CCDC14: variants seen among roughly 807,000 people sequenced by gnomAD.
CCDC14 encodes coiled-coil domain containing 14, also known as coiled-coil domain-containing protein 14.
Under a neutral mutation model 81.4 loss-of-function variants are expected in CCDC14, and 71 were observed. That is an observed-to-expected ratio of 0.87 (90% CI 0.72 to 1.06). The LOEUF (loss-of-function observed/expected upper bound fraction) is 1.06. Ranked by LOEUF, CCDC14 falls within the 50% of genes least tolerant of loss-of-function variation. CCDC14 has a pLI of 0.00. For missense variants in CCDC14, 1,046 were observed against 1,047.3 expected (o/e 1.00, Z 0.02); for synonymous variants, 332 against 364.8 (o/e 0.91, Z 1.03).
In CCDC14 at chr3:123,913,884, T is replaced by C. The variant is rs2034517068; in HGVS notation, c.*895A>G. ...AGGGAGATGATACTGAGCTAAGAAG[T>C]CCTGGTATAGAGAAGCAGAGAGACC... On this transcript the variant is annotated 3_prime_UTR_variant, in exon 13 of 13. Transcript: ENST00000409697. The C allele has an allele frequency of 1.0e-6, 1 of 985,186 alleles. No homozygotes were observed. Among genetic ancestry groups the C allele is most frequent in the African/African-American group, 1.7e-5 (1 of 57,154 alleles). The allele number at this position is 985,186 out of a possible 1,614,324, so 61.0% of individuals were successfully genotyped here.
At position 123,947,008 on chromosome 3, in the gene CCDC14, T is replaced by G; in HGVS notation, c.996A>C (p.Pro332=). 1.2e-6 allele frequency: 2 copies of G among 1,614,044 alleles called. No individual in the cohort carries two copies. Among genetic ancestry groups the G allele is most frequent in the Non-Finnish European group, 8.5e-7 (1 of 1,179,882 alleles). The change falls in exon 8 of 13, where the codon CCA becomes CCC. Residue 332 remains proline, a synonymous_variant. Transcript: ENST00000409697. ...TTTCTTCATTAGTGGCCAAGAAAGCTGGTTGTGACTGAGTAGGGCTTCGGT... is the reference window on the plus strand; with the variant it reads ...TTTCTTCATTAGTGGCCAAGAAAGCGGGTTGTGACTGAGTAGGGCTTCGGT... ...QTHRSPTQSQ[P]AFLATNEEKC...
At position 123,913,869 on chromosome 3, in the gene CCDC14, T is replaced by C. The variant is rs1577214582; in HGVS notation, c.*910A>G. The C allele has an allele frequency of 3.0e-6, 3 of 985,198 alleles. No individual in the cohort carries two copies. The highest frequency in any genetic ancestry group is 4.7e-5 in the South Asian group (1 of 21,282). The allele number at this position is 985,198 out of a possible 1,614,324, so 61.0% of individuals were successfully genotyped here. A position where few individuals can be genotyped will look rare whatever the true frequency, so the allele number is the denominator to read the frequency against. On this transcript the variant is annotated 3_prime_UTR_variant, in exon 13 of 13. Coordinates refer to ENST00000409697, the MANE Select transcript of CCDC14 (RefSeq NM_001366335.1). ...GTGCTGCTTACATGAAGGGAGATGA[T>C]ACTGAGCTAAGAAGTCCTGGTATAG...
the CCDC14 span, among the ~76,000 whole-genome samples, chr3:123,889,914 C>T: frequency 1.3e-5 from 2 of 152,152 alleles, no homozygotes; most frequent in Non-Finnish European, 2.9e-5. Context: ...TGAATTAGTC[C>T]ATTTTCAAGC....
the CCDC14 span, among the ~76,000 whole-genome samples, chr3:123,892,298 T>G: frequency 6.6e-6 from 1 of 152,204 alleles, no homozygotes; most frequent in East Asian, 1.9e-4. Flanking sequence ...CTGAAGCAAT[T>G]GTCTGAGCTG....
intron 12 of CCDC14, among the ~76,000 whole-genome samples, chr3:123,925,608 G>T (rs561067512): frequency 6.6e-6 from 1 of 152,122 alleles, no homozygotes; most frequent in Non-Finnish European, 1.5e-5. Context: ...GGTAATTTTT[G>T]TATTTTTAGT....
At chr3:123,938,206 T>C (rs943901859) in intron 9 of CCDC14, among the ~76,000 whole-genome samples, 1 of 151,900 alleles carries the variant, frequency 6.6e-6, no homozygotes, top group Admixed American at 6.6e-5. Context: ...TTACATAAAA[T>C]CTATACATCA....
intron 9 of CCDC14, among the ~76,000 whole-genome samples, chr3:123,943,951 C>A (rs995508737): frequency 1.3e-5 from 2 of 152,124 alleles, no homozygotes; most frequent in Admixed American, 1.3e-4. Context: ...ATTAACTGAG[C>A]CCAAAGAAGG....
Position 123,903,774 on chromosome 3 carries a change from A to G in CCDC14, c.668-6161T>C, listed in dbSNP as rs559592102. On this transcript the variant is annotated intron_variant, in intron 5 of 5. Coordinates refer to the CCDC14 transcript ENST00000479903. ...TTAATCTTTCCAGATGCGCTAGTGT[A>G]GATCTGACAGACAAAATGTAGGTCC... is the stretch of plus-strand genomic sequence containing the variant. 1.5e-4 allele frequency among the ~76,000 whole-genome samples: 23 copies of G among 152,250 alleles called. No homozygotes were observed. In the South Asian group the frequency reaches 4.0e-3, roughly 26 times the overall value.
chr3:123,902,058 A>G (rs1447851173), intron 5 of CCDC14, among the ~76,000 whole-genome samples: 1 of 152,224 alleles, frequency 6.6e-6, no homozygotes, highest in African/African-American at 2.4e-5. Flanking sequence ...AAAGAAAATC[A>G]TAACTGCAAT....
At chr3:123,957,461 G>A (rs976768613) in intron 1 of CCDC14, 10 of 151,978 alleles carry the variant, frequency 6.6e-5, no homozygotes, top group Non-Finnish European at 1.5e-4. Flanking sequence ...ACATTCTTTA[G>A]AATGCCTGAT....
rs774375701 is a variant in CCDC14, at chr3:123,931,493, T to C, written c.1460A>G (p.Gln487Arg). The C allele has an allele frequency of 7.6e-6, 12 of 1,570,314 alleles. No homozygotes were observed. In the South Asian group the frequency reaches 1.3e-4, roughly 17 times the overall value. ...FSLQSLNMSL[Q>R]NQLEESLKSQ... ...CTTTAGTGACTCCTCCAATTGATTT[T>C]GCAGTGACATATTCAATGACTGAAG... The change falls in exon 11 of 13, where the codon CAA becomes CGA. Residue 487 changes from glutamine to arginine, a missense_variant. By Grantham distance (43) the Gln-to-Arg change is conservative. Coordinates refer to ENST00000409697, the MANE Select transcript of CCDC14 (RefSeq NM_001366335.1).
chr3:123,946,803 C>A lies in CCDC14; in HGVS notation c.1201G>T (p.Glu401Ter). The change falls in exon 8 of 13, where the codon GAG (glutamate) becomes TAG (stop). Residue 401 changes from glutamate (E) to a stop codon, truncating the protein, a stop_gained and splice_region_variant. Coordinates refer to ENST00000409697, the MANE Select transcript of CCDC14 (RefSeq NM_001366335.1). LOFTEE classifies it high-confidence loss of function. Reference sequence around the variant, plus strand: ...ACAGAAAGTTATAAGTCCCATCTACCTTGTTCTGCTACCAGGGCCTTGAGC... The same window carrying A: ...ACAGAAAGTTATAAGTCCCATCTACATTGTTCTGCTACCAGGGCCTTGAGC... ...GELKALVAEQEDSEIQRLITE... is the reference protein window; with the variant it reads ...GELKALVAEQ 6.2e-7 allele frequency: 1 copy of A among 1,612,104 alleles called. No homozygotes were observed. The highest frequency in any genetic ancestry group is 1.1e-5 in the South Asian group (1 of 90,732).
intron 5 of CCDC14, among the ~76,000 whole-genome samples, chr3:123,904,064 T>C (rs1431661512): frequency 3.3e-5 from 5 of 152,190 alleles, no homozygotes; most frequent in Non-Finnish European, 7.3e-5. Context: ...TTTTCTGTTA[T>C]GTATAACTGA....
chr3:123,931,308 C>A lies in CCDC14; in HGVS notation c.1645G>T (p.Glu549Ter). 1 of 1,543,990 alleles carries A rather than the reference C, an allele frequency of 6.5e-7. No individual in the cohort carries two copies. The highest frequency in any genetic ancestry group is 8.8e-7 in the Non-Finnish European group (1 of 1,137,794). Residue 549 changes from glutamate (E) to a stop codon, truncating the protein, a stop_gained and splice_region_variant, in exon 11 of 13, where the codon GAA becomes TAA. Coordinates refer to ENST00000409697, the MANE Select transcript of CCDC14 (RefSeq NM_001366335.1). LOFTEE classifies it high-confidence loss of function. ...YDIEITRIKI[E>*]LEEALVNVKS... ...CCATAACTACTGTCTAAATACGTACCAATTTTTATTCTTGTTATCTCAATA... is the reference window on the plus strand; with the variant it reads ...CCATAACTACTGTCTAAATACGTACAAATTTTTATTCTTGTTATCTCAATA...
At chr3:123,952,013 A>C (rs765683975) in intron 5 of CCDC14, among the ~76,000 whole-genome samples, 36 of 152,254 alleles carry the variant, frequency 2.4e-4, no homozygotes, top group Admixed American at 1.3e-4. Context: ...AAAATAAAAC[A>C]AACCAATGAT....
chr3:123,949,902 T>C (rs1295919261), intron 5 of CCDC14, among the ~76,000 whole-genome samples: 1 of 152,220 alleles, frequency 6.6e-6, no homozygotes, highest in East Asian at 1.9e-4. Flanking sequence ...CACTGCCTTA[T>C]ATTGCTTATC....
At chr3:123,934,270 C>CAAAAAAA (rs61094944) in intron 9 of CCDC14, among the ~76,000 whole-genome samples, 7 of 52,286 alleles carry the variant, frequency 1.3e-4, no homozygotes, top group East Asian at 7.3e-4. Context: ...GACTCTGCCT[C>CAAAAAAA]AAAAAAAAAA....
intron 10 of CCDC14, 58 bp from the exon 11 acceptor site, chr3:123,931,584 G>A: frequency 1.1e-6 from 1 of 875,450 alleles, no homozygotes. Flanking sequence ...TACAAACTTG[G>A]AAAATACCTG....
Position 123,947,019 on chromosome 3 carries a change from G to A in CCDC14, c.985C>T (p.Gln329Ter). The change falls in exon 8 of 13, where the codon CAG (glutamine) becomes TAG (stop). Residue 329 changes from glutamine (Q) to a stop codon, truncating the protein, a stop_gained. Coordinates refer to ENST00000409697, the MANE Select transcript of CCDC14 (RefSeq NM_001366335.1). LOFTEE classifies it high-confidence loss of function. ...LDSQTHRSPT[Q>*]SQPAFLATNE... The stretch of plus-strand genomic sequence containing the variant: ...GTGGCCAAGAAAGCTGGTTGTGACT[G>A]AGTAGGGCTTCGGTGTGTCTGACTG... The A allele has an allele frequency of 6.2e-7, 1 of 1,613,962 alleles. No homozygotes were observed. The highest frequency in any genetic ancestry group is 8.5e-7 in the Non-Finnish European group (1 of 1,179,854).
Sources: allele counts gnomAD v4.1 joint callset (sites outside exome capture counted in the v4.1 genomes callset), GRCh38; gene constraint gnomAD v4.1.1; transcripts MANE v1.5; gene names NCBI Gene and HGNC (gene_info 2026-07-23, HGNC 2026-07-21).